Variants in GRM8 observed in about 807,000 individuals in gnomAD.
GRM8 encodes the protein glutamate metabotropic receptor 8.
A neutral mutation model predicts 87.2 loss-of-function variants in GRM8; 47 were observed. The observed-to-expected ratio is 0.54, with a 90% CI of 0.43 to 0.69. GRM8 has a LOEUF of 0.69. GRM8 is among the 30% of genes least tolerant of loss of function. GRM8 has a pLI of 0.00. For synonymous variants in GRM8, 396 were observed against 404.5 expected, an observed-to-expected ratio of 0.98 and a Z score of 0.25; for missense variants, 1,019 against 1,139.2, an observed-to-expected ratio of 0.89 and a Z score of 1.52.
intron 7 of GRM8, among the ~76,000 whole-genome samples, chr7:126,704,867 T>C (rs1052741416): frequency 2.6e-5 from 4 of 152,212 alleles, no homozygotes; most frequent in African/African-American, 9.6e-5. Flanking sequence ...CACCCCGTCC[T>C]GTCCTGTGGT....
intron 3 of GRM8, among the ~76,000 whole-genome samples, chr7:126,922,510 T>C (rs1804634037): frequency 1.3e-5 from 2 of 152,102 alleles, no homozygotes; most frequent in African/African-American, 2.4e-5. Context: ...TTGGAAATAA[T>C]TGTTCTTGGG....
chr7:127,054,919 C>A (rs938836045), intron 3 of GRM8, among the ~76,000 whole-genome samples: 2 of 151,570 alleles, frequency 1.3e-5, no homozygotes, highest in Non-Finnish European at 2.9e-5. Context: ...AAATAGTTGG[C>A]AGCTACCTAG....
intron 3 of GRM8, among the ~76,000 whole-genome samples, chr7:127,034,788 A>T (rs1817696935): frequency 6.6e-6 from 1 of 152,152 alleles, no homozygotes; most frequent in Non-Finnish European, 1.5e-5. Flanking sequence ...GATCATGGAG[A>T]CAAAATTGGT....
chr7:127,229,371 T>C (rs1797543485), intron 2 of GRM8: 1 of 152,136 alleles, frequency 6.6e-6, no homozygotes. Flanking sequence ...GGAAAAACAT[T>C]CTCCACTTAA....
At chr7:127,122,300 A>C (rs1216691537) in intron 2 of GRM8, among the ~76,000 whole-genome samples, 4 of 152,220 alleles carry the variant, frequency 2.6e-5, no homozygotes, top group Non-Finnish European at 4.4e-5. Context: ...AAATGAAAAT[A>C]TACTTTTCTT....
intron 6 of GRM8, among the ~76,000 whole-genome samples, chr7:126,797,996 C>G (rs1452346731): frequency 6.6e-6 from 1 of 151,990 alleles, no homozygotes; most frequent in African/African-American, 2.4e-5. Context: ...GTTTACAACC[C>G]CAGGAAAACT....
At chr7:127,147,887 C>T (rs967257596) in intron 2 of GRM8, among the ~76,000 whole-genome samples, 8 of 152,114 alleles carry the variant, frequency 5.3e-5, no homozygotes, top group South Asian at 2.1e-4. Context: ...TAGAAGAGCA[C>T]GGTAAGCTTT....
chr7:127,000,141 C>T (rs1813579850), intron 3 of GRM8, among the ~76,000 whole-genome samples: 1 of 151,582 alleles, frequency 6.6e-6, no homozygotes, highest in Admixed American at 6.6e-5. Flanking sequence ...AAGCCAGGCA[C>T]AGAAATATAA....
intron 3 of GRM8, among the ~76,000 whole-genome samples, chr7:126,941,277 A>C (rs1386028474): frequency 1.3e-5 from 2 of 152,104 alleles, no homozygotes; most frequent in Non-Finnish European, 2.9e-5. Flanking sequence ...AAAGCAAGAA[A>C]ATTAAATCCC....
Position 127,191,889 on chromosome 7 carries a change from T to G in GRM8, c.510+50806A>C, listed in dbSNP as rs1202098677. Among the ~76,000 whole-genome samples the G allele has an allele frequency of 2.0e-5, 3 of 152,198 alleles. No homozygotes were observed. In the East Asian group the frequency reaches 5.8e-4, roughly 29 times the overall value. On this transcript the variant is annotated intron_variant, in intron 2 of 10. Coordinates refer to ENST00000339582, the MANE Select transcript of GRM8 (RefSeq NM_000845.3). ...TGAAGAGGCCCAATCTGTTGTTTAT[T>G]TGGGGCTGGTACCGCATTAAATTGA...
Position 126,533,512 on chromosome 7 carries a change from C to G in GRM8, c.1870G>C (p.Val624Leu), listed in dbSNP as rs368344634. ...VRASGRELSY[V>L]LLTGIFLCYS... is the part of the protein sequence containing the mutation. ...CAGAGAAAAATCCCCGTTAGGAGCA[C>G]GTAACTAAGTTCGCGTCCTGAAGCC... Residue 624 changes from valine (V) to leucine (L), a missense_variant, in exon 9 of 11, where the codon GTG (valine) becomes CTG (leucine). By Grantham distance (32) the Val-to-Leu change is conservative. Transcript: ENST00000339582. 1 of 1,613,926 alleles carries G rather than the reference C, an allele frequency of 6.2e-7. No individual in the cohort carries two copies. Among genetic ancestry groups the G allele is most frequent in the Non-Finnish European group, 8.5e-7 (1 of 1,180,000 alleles).
intron 7 of GRM8, among the ~76,000 whole-genome samples, chr7:126,637,864 C>A (rs117289396): frequency 2.6e-5 from 4 of 151,896 alleles, no homozygotes; most frequent in Non-Finnish European, 5.9e-5. Context: ...TTTAGAAGTA[C>A]CCAACATGAA....
intron 6 of GRM8, among the ~76,000 whole-genome samples, chr7:126,860,089 A>G (rs1413631596): frequency 1.3e-5 from 2 of 152,212 alleles, no homozygotes; most frequent in Non-Finnish European, 2.9e-5. Flanking sequence ...TGCAGACTGA[A>G]AAACTGAGGG....
chr7:126,996,288 C>T (rs1249384690), intron 3 of GRM8, among the ~76,000 whole-genome samples: 1 of 151,968 alleles, frequency 6.6e-6, no homozygotes, highest in Non-Finnish European at 1.5e-5. Context: ...AGAAAGCAGA[C>T]CGAAAAACAC....
chr7:126,611,102 G>T (rs540297642), intron 7 of GRM8, among the ~76,000 whole-genome samples: 1 of 152,228 alleles, frequency 6.6e-6, no homozygotes, highest in South Asian at 2.1e-4. Flanking sequence ...ATTCACATGA[G>T]AAATGACTTT....
intron 6 of GRM8, among the ~76,000 whole-genome samples, chr7:126,860,312 C>A (rs1456733299): frequency 6.6e-6 from 1 of 152,136 alleles, no homozygotes; most frequent in African/African-American, 2.4e-5. Context: ...TTTATCCAAG[C>A]CACATTGGCT....
chr7:126,702,413 G>A (rs1393657924), intron 7 of GRM8, among the ~76,000 whole-genome samples: 13 of 152,142 alleles, frequency 8.5e-5, no homozygotes, highest in South Asian at 2.1e-4. Context: ...ATCCTCCTCC[G>A]CAGCTAGGGA....
At chr7:127,020,937 C>G (rs186884497) in intron 3 of GRM8, among the ~76,000 whole-genome samples, 21 of 152,022 alleles carry the variant, frequency 1.4e-4, no homozygotes, top group African/African-American at 5.1e-4. Context: ...CAGAGCTTCC[C>G]TTAGCTAAGG....
At chr7:126,838,205 A>G (rs536312298) in intron 6 of GRM8, among the ~76,000 whole-genome samples, 1 of 152,348 alleles carries the variant, frequency 6.6e-6, no homozygotes, top group East Asian at 1.9e-4. Flanking sequence ...ATATGCAGTA[A>G]TAGTTACATG....
Sources: gnomAD v4.1 joint callset for allele counts (sites outside exome capture counted in the v4.1 genomes callset) on GRCh38, gnomAD v4.1.1 for gene constraint, MANE v1.5 for transcripts, NCBI Gene and HGNC (gene_info 2026-07-23, HGNC 2026-07-21) for gene names.